CSNK1A1: variants seen among roughly 807,000 people sequenced by gnomAD.
CSNK1A1 encodes the protein casein kinase 1 alpha 1.
CSNK1A1 carries 7 observed loss-of-function variants against 46.1 expected under a neutral mutation model. The observed-to-expected ratio is 0.15, with a 90% CI of 0.09 to 0.29. The LOEUF is 0.29. CSNK1A1 is among the 10% of genes least tolerant of loss of function. The probability of loss-of-function intolerance (pLI) is 1.00; values close to 1 mark genes in which losing one functional copy is unlikely to be tolerated. For synonymous variants in CSNK1A1, 137 were observed against 141.5 expected, an observed-to-expected ratio of 0.97 and a Z score of 0.23; for missense variants, 96 against 417.1, an observed-to-expected ratio of 0.23 and a Z score of 6.71.
chr5:149,507,237 T>C, intron 7 of CSNK1A1, 104 bp from the exon 8 acceptor site: 1 of 823,888 alleles, frequency 1.2e-6, no homozygotes, highest in Non-Finnish European at 1.9e-6. Context: ...CGGGATATTT[T>C]ACCATTTCAT....
At chr5:149,504,908 A>C (rs1760976582) in intron 9 of CSNK1A1, 1 of 985,386 alleles carries the variant, frequency 1.0e-6, no homozygotes, top group Non-Finnish European at 1.2e-6. Flanking sequence ...TGCAACTGAG[A>C]AGATAGACAC....
chr5:149,530,588 G>C (rs1224089137), intron 2 of CSNK1A1, among the ~76,000 whole-genome samples: 2 of 152,118 alleles, frequency 1.3e-5, no homozygotes, highest in Admixed American at 6.5e-5. Flanking sequence ...TTTAATGGGA[G>C]CAGAAAAGGA....
At chr5:149,548,617 T>C (rs942121299) in intron 2 of CSNK1A1, among the ~76,000 whole-genome samples, 1 of 151,742 alleles carries the variant, frequency 6.6e-6, no homozygotes, top group African/African-American at 2.4e-5. Context: ...TCCCAGCACT[T>C]TGGGAGGCCG....
chr5:149,526,158 T>C (rs538462277), intron 2 of CSNK1A1, among the ~76,000 whole-genome samples: 1 of 152,284 alleles, frequency 6.6e-6, no homozygotes, highest in East Asian at 1.9e-4. Context: ...CATTTATTTT[T>C]AGACAAGGTC....
intron 3 of CSNK1A1, among the ~76,000 whole-genome samples, chr5:149,520,989 G>A (rs1004437883): frequency 2.6e-5 from 4 of 152,102 alleles, no homozygotes; most frequent in African/African-American, 7.2e-5. Flanking sequence ...AAAGTCAAAC[G>A]CTATAGCTCA....
At chr5:149,503,740 G>C in intron 9 of CSNK1A1, 1 of 985,282 alleles carries the variant, frequency 1.0e-6, no homozygotes, top group Non-Finnish European at 1.2e-6. Flanking sequence ...CTTGTTTATT[G>C]AATAAGAGAC....
Position 149,545,868 on chromosome 5 carries a change from A to G in CSNK1A1, c.230+4207T>C, listed in dbSNP as rs992590915. 3.7e-5 allele frequency: 12 copies of G among 327,624 alleles called. No individual in the cohort carries two copies. In the South Asian group the frequency reaches 4.5e-4, roughly 12 times the overall value. 20.3% of individuals were successfully genotyped at this position (327,624 alleles called of 1,614,324 possible). A position where few individuals can be genotyped will look rare whatever the true frequency, so the allele number is the denominator to read the frequency against. ...AGCTTCATTTCTTAAAATATCAAGA[A>G]AATGGATGCCATTCTCTTATCCTTG... On this transcript the variant is annotated intron_variant, in intron 2 of 9. Transcript: ENST00000377843.
Position 149,496,751 on chromosome 5 carries a change from A to C in CSNK1A1, c.*102T>G. ...TTACACCAAGTAAATGGTTGTCCAC[A>C]ACCACTGGCTAGTGTACATATGAAC... On this transcript the variant is annotated 3_prime_UTR_variant, in exon 10 of 10. Coordinates refer to ENST00000377843, the MANE Select transcript of CSNK1A1 (RefSeq NM_001892.6). The C allele has an allele frequency of 6.8e-7, 1 of 1,474,038 alleles. No individual in the cohort carries two copies. Among genetic ancestry groups the C allele is most frequent in the African/African-American group, 1.4e-5 (1 of 69,922 alleles). 91.3% of individuals were successfully genotyped at this position (1,474,038 alleles called of 1,614,324 possible). A position where few individuals can be genotyped will look rare whatever the true frequency, so the allele number is the denominator to read the frequency against.
At chr5:149,500,462 A>T (rs1000674007) in intron 9 of CSNK1A1, among the ~76,000 whole-genome samples, 17 of 150,948 alleles carry the variant, frequency 1.1e-4, no homozygotes, top group African/African-American at 3.9e-4. Flanking sequence ...TATTTTTAGT[A>T]AAGACAGGGT....
chr5:149,499,681 G>C lies in CSNK1A1; in HGVS notation c.1007-2821C>G, dbSNP rs1004477472. Among the ~76,000 whole-genome samples the C allele has an allele frequency of 3.4e-4, 52 of 151,238 alleles. 1 individual carries two copies. The highest frequency in any genetic ancestry group is 1.7e-3 in the Admixed American group (26 of 15,196). The stretch of plus-strand genomic sequence containing the variant: ...TGCCCAGGCTGGACTTAAAACTCCT[G>C]GGCTCAGGAGATCCTACCACCTCAG... On this transcript the variant is annotated intron_variant, in intron 9 of 9. Transcript: ENST00000377843.
chr5:149,549,875 T>C (rs1029541405), intron 2 of CSNK1A1, among the ~76,000 whole-genome samples, 200 bp downstream of exon 2: 2 of 152,156 alleles, frequency 1.3e-5, no homozygotes, highest in African/African-American at 2.4e-5. Context: ...AATGGAGCAG[T>C]GTAATACAAT....
intron 2 of CSNK1A1, among the ~76,000 whole-genome samples, chr5:149,530,755 CAGG>C (rs1450966494): frequency 2.0e-5 from 3 of 151,746 alleles, no homozygotes; most frequent in African/African-American, 7.3e-5. Context: ...ATCATGAGGC[CAGG>C]AGTTCGAGAC....
intron 2 of CSNK1A1, among the ~76,000 whole-genome samples, chr5:149,539,781 G>C (rs1165121971): frequency 6.6e-6 from 1 of 151,958 alleles, no homozygotes; most frequent in Non-Finnish European, 1.5e-5. Flanking sequence ...ACCACTGGTA[G>C]AGCTGAAAGA....
chr5:149,539,569 T>C (rs1020162371), intron 2 of CSNK1A1, among the ~76,000 whole-genome samples: 2 of 152,070 alleles, frequency 1.3e-5, no homozygotes, highest in African/African-American at 2.4e-5. Flanking sequence ...AAAATTATTG[T>C]TATTAATTAT....
At chr5:149,497,172 T>C (rs1760679822) in intron 9 of CSNK1A1, 3 of 1,086,482 alleles carry the variant, frequency 2.8e-6, no homozygotes, top group Non-Finnish European at 2.2e-6. Context: ...GCAGAACATA[T>C]TAGGCATTCA....
At position 149,550,294 on chromosome 5, in the gene CSNK1A1, A is replaced by G. The variant is rs1762614279; in HGVS notation, c.124-113T>C. 6.7e-7 allele frequency: 1 copy of G among 1,499,230 alleles called. No homozygotes were observed. The highest frequency in any genetic ancestry group is 8.9e-7 in the Non-Finnish European group (1 of 1,128,944). The allele number at this position is 1,499,230 out of a possible 1,614,324, so 92.9% of individuals were successfully genotyped here. A position where few individuals can be genotyped will look rare whatever the true frequency, so the allele number is the denominator to read the frequency against. On this transcript the variant is annotated intron_variant, in intron 1 of 9. Transcript: ENST00000377843. The surrounding 1 kb of genome is among the most constrained non-coding windows in gnomAD (Gnocchi z 4.3). ...AGTCGCGACTACAAGAAGAAGTGAA[A>G]AGCTGGAAAGAGAAAGCTCTCGGTA...
At chr5:149,530,118 T>C (rs955815516) in intron 2 of CSNK1A1, among the ~76,000 whole-genome samples, 1 of 152,146 alleles carries the variant, frequency 6.6e-6, no homozygotes, top group Admixed American at 6.5e-5. Context: ...AATGTAGATC[T>C]TCCCCTTCAG....
intron 2 of CSNK1A1, among the ~76,000 whole-genome samples, chr5:149,541,518 A>G (rs1411501507): frequency 6.6e-6 from 1 of 152,206 alleles, no homozygotes; most frequent in Non-Finnish European, 1.5e-5. Flanking sequence ...CAGTAACACA[A>G]TAAAGCATCA....
At chr5:149,549,029 AAAGTT>A (rs1487452387) in intron 2 of CSNK1A1, among the ~76,000 whole-genome samples, 2 of 152,198 alleles carry the variant, frequency 1.3e-5, no homozygotes, top group Non-Finnish European at 2.9e-5. Flanking sequence ...CCTCCAAAGT[AAAGTT>A]AACCATTTGA....
Sources: gnomAD v4.1 joint callset for allele counts (sites outside exome capture counted in the v4.1 genomes callset) on GRCh38, gnomAD v4.1.1 for gene constraint, Gnocchi (gnomAD v3.1) non-coding constraint, MANE v1.5 for transcripts, NCBI Gene and HGNC (gene_info 2026-07-23, HGNC 2026-07-21) for gene names.